The following LYPLAL1 variants were observed in gnomAD, a reference collection of about 807,000 sequenced individuals.
LYPLAL1 encodes lysophospholipase-like protein 1.
Under a neutral mutation model 19.7 loss-of-function variants are expected in LYPLAL1, and 23 were observed. That is an observed-to-expected ratio of 1.17 (90% CI 0.84 to 1.65). The LOEUF (loss-of-function observed/expected upper bound fraction) is 1.65. Ranked by LOEUF, LYPLAL1 falls within the 40% of genes most tolerant of loss-of-function variation. The pLI is 0.00. For missense variants in LYPLAL1, 355 were observed against 279.4 expected (o/e 1.27, Z -1.93); for synonymous variants, 119 against 96.3 (o/e 1.24, Z -1.38).
At chr1:219,415,210 A>AG in the LYPLAL1 span, among the ~76,000 whole-genome samples, 1 of 152,300 alleles carries the variant, frequency 6.6e-6, no homozygotes, top group Middle Eastern at 3.4e-3. Context: ...AAAGAGAAAA[A>AG]CAATAATAGA....
chr1:219,250,499 G>A, the LYPLAL1 span, among the ~76,000 whole-genome samples: 27 of 151,992 alleles, frequency 1.8e-4, no homozygotes, highest in South Asian at 2.7e-3. Flanking sequence ...ACATGTGAAG[G>A]TTTGTTACAT....
Position 219,193,210 on chromosome 1 carries a change from A to C in LYPLAL1, c.320A>C (p.Glu107Ala). 1 of 1,610,604 alleles carries C rather than the reference A, an allele frequency of 6.2e-7. No individual in the cohort carries two copies. The highest frequency in any genetic ancestry group is 8.5e-7 in the Non-Finnish European group (1 of 1,177,710). Residue 107 changes from glutamate to alanine, a missense_variant, in exon 3 of 5, where the codon GAA (glutamate) becomes GCA (alanine). By Grantham distance (107) the Glu-to-Ala change is moderately radical. Coordinates refer to ENST00000366928, the MANE Select transcript of LYPLAL1 (RefSeq NM_138794.5). Reference protein sequence around the residue: ...MCQVLTDLIDEEVKSGIKKNR... With the variant: ...MCQVLTDLIDAEVKSGIKKNR... Reference sequence around the variant, plus strand: ...CAAGTGCTTACTGATTTGATTGATGAAGAAGTAAAAAGTGGCATCAAGAAG... The same window carrying C: ...CAAGTGCTTACTGATTTGATTGATGCAGAAGTAAAAAGTGGCATCAAGAAG...
chr1:219,227,325 T>G, the LYPLAL1 span, among the ~76,000 whole-genome samples: 1 of 152,190 alleles, frequency 6.6e-6, no homozygotes, highest in African/African-American at 2.4e-5. Context: ...GCTTCCTCTT[T>G]CAAAGACAGG....
At chr1:219,358,625 C>A in the LYPLAL1 span, among the ~76,000 whole-genome samples, 2 of 151,962 alleles carry the variant, frequency 1.3e-5, no homozygotes, top group African/African-American at 4.8e-5. Flanking sequence ...GGGAAGCACC[C>A]CTTATAAACC....
the LYPLAL1 span, among the ~76,000 whole-genome samples, chr1:219,306,781 GATAGATA>G: frequency 6.7e-6 from 1 of 150,098 alleles, no homozygotes; most frequent in African/African-American, 2.5e-5. Flanking sequence ...TAGATAGATA[GATAGATA>G]CATAGACAGA....
the LYPLAL1 span, among the ~76,000 whole-genome samples, chr1:219,320,138 G>C: frequency 6.6e-6 from 1 of 152,150 alleles, no homozygotes; most frequent in East Asian, 1.9e-4. Flanking sequence ...GTAGGTAAGC[G>C]TTTATAATTT....
At chr1:219,373,280 A>G in the LYPLAL1 span, among the ~76,000 whole-genome samples, 1 of 152,248 alleles carries the variant, frequency 6.6e-6, no homozygotes, top group African/African-American at 2.4e-5. Flanking sequence ...AAGACACAGT[A>G]GGAAACCGCT....
At chr1:219,326,454 C>T in the LYPLAL1 span, among the ~76,000 whole-genome samples, 4 of 152,064 alleles carry the variant, frequency 2.6e-5, no homozygotes, top group Admixed American at 2.0e-4. Context: ...ATGGCTGGGA[C>T]CCTGAATCTT....
At chr1:219,189,365 G>A (rs1656969715) in intron 2 of LYPLAL1, among the ~76,000 whole-genome samples, 1 of 151,638 alleles carries the variant, frequency 6.6e-6, no homozygotes, top group East Asian at 1.9e-4. Context: ...GAACTTCACT[G>A]TGATTTTAGT....
At chr1:219,348,944 C>G in the LYPLAL1 span, among the ~76,000 whole-genome samples, 14 of 152,366 alleles carry the variant, frequency 9.2e-5, no homozygotes, top group African/African-American at 3.4e-4. Flanking sequence ...GCAATCTCTA[C>G]TATCACCATC....
At chr1:219,440,012 TACAC>T in the LYPLAL1 span, among the ~76,000 whole-genome samples, 7 of 100,888 alleles carry the variant, frequency 6.9e-5, no homozygotes, top group African/African-American at 2.6e-4. Context: ...TATATATATA[TACAC>T]ACACACACAT....
chr1:219,195,806 C>CTTA (rs1424667154), intron 3 of LYPLAL1, among the ~76,000 whole-genome samples: 1 of 152,144 alleles, frequency 6.6e-6, no homozygotes, highest in East Asian at 1.9e-4. Context: ...GGTATTAAGA[C>CTTA]CTGTATTCAT....
chr1:219,407,436 A>G, the LYPLAL1 span, among the ~76,000 whole-genome samples: 1 of 152,256 alleles, frequency 6.6e-6, no homozygotes, highest in Non-Finnish European at 1.5e-5. Flanking sequence ...CTAAAACACC[A>G]TAAGTGCTTC....
the LYPLAL1 span, among the ~76,000 whole-genome samples, chr1:219,439,264 T>G: frequency 6.6e-6 from 1 of 152,174 alleles, no homozygotes; most frequent in Non-Finnish European, 1.5e-5. Context: ...GCCTTCCATA[T>G]ACCTCTATTA....
At chr1:219,278,593 G>A in the LYPLAL1 span, among the ~76,000 whole-genome samples, 2 of 152,094 alleles carry the variant, frequency 1.3e-5, no homozygotes, top group African/African-American at 2.4e-5. Context: ...CTTACCCACT[G>A]TACTTTATTC....
At chr1:219,267,458 C>T in the LYPLAL1 span, among the ~76,000 whole-genome samples, 2 of 152,178 alleles carry the variant, frequency 1.3e-5, no homozygotes, top group Admixed American at 6.6e-5. Context: ...TAAACTCACC[C>T]TCTGCCAAAC....
chr1:219,401,446 G>A, the LYPLAL1 span, among the ~76,000 whole-genome samples: 3 of 151,112 alleles, frequency 2.0e-5, no homozygotes, highest in Admixed American at 1.3e-4. Context: ...CATCTATCAA[G>A]AGATACATTT....
the LYPLAL1 span, among the ~76,000 whole-genome samples, chr1:219,342,493 G>T: frequency 6.6e-6 from 1 of 152,084 alleles, no homozygotes; most frequent in Non-Finnish European, 1.5e-5. Context: ...TACTGCTGTT[G>T]TTATGAGCAA....
the LYPLAL1 span, among the ~76,000 whole-genome samples, chr1:219,310,108 T>C: frequency 2.0e-5 from 3 of 152,226 alleles, no homozygotes; most frequent in Non-Finnish European, 4.4e-5. Context: ...TGCTATTTAC[T>C]GATGGAGTGA....
Sources: allele counts gnomAD v4.1 joint callset (sites outside exome capture counted in the v4.1 genomes callset), GRCh38; gene constraint gnomAD v4.1.1; transcripts MANE v1.5; gene names NCBI Gene and HGNC (gene_info 2026-07-23, HGNC 2026-07-21).